Variants in UBTD1 observed in about 807,000 individuals in gnomAD.
The protein encoded by UBTD1 is ubiquitin domain containing 1.
Under a neutral mutation model 21.7 loss-of-function variants are expected in UBTD1, and 19 were observed. That is an observed-to-expected ratio of 0.87 (90% CI 0.61 to 1.28). The LOEUF is 1.28. UBTD1 is among the 50% of genes most tolerant of loss of function. The pLI, the probability that UBTD1 is intolerant of heterozygous loss-of-function variation, is 0.00. For synonymous variants in UBTD1, 116 were observed against 135.1 expected (o/e 0.86, Z 0.98); for missense variants, 282 against 315.1 (o/e 0.89, Z 0.80).
At chr10:97,558,546 G>A (rs927585565) in intron 1 of UBTD1, among the ~76,000 whole-genome samples, 7 of 152,106 alleles carry the variant, frequency 4.6e-5, no homozygotes, top group African/African-American at 1.7e-4. Flanking sequence ...TACAGTCTGG[G>A]TTAAAACTCC....
intron 1 of UBTD1, among the ~76,000 whole-genome samples, chr10:97,557,464 CT>C (rs1490932050): frequency 1.3e-5 from 2 of 152,024 alleles, no homozygotes; most frequent in Non-Finnish European, 2.9e-5. Context: ...TAAACAGGAT[CT>C]TTTTTATCTT....
At chr10:97,567,069 T>C (rs2040720274) in intron 1 of UBTD1, among the ~76,000 whole-genome samples, 1 of 151,910 alleles carries the variant, frequency 6.6e-6, no homozygotes, top group South Asian at 2.1e-4. Context: ...GATGTTAAAA[T>C]TGTTAATAAT....
chr10:97,557,975 C>A (rs550971596), intron 1 of UBTD1, among the ~76,000 whole-genome samples: 2 of 152,298 alleles, frequency 1.3e-5, no homozygotes, highest in African/African-American at 4.8e-5. Flanking sequence ...GAAGTCCTTA[C>A]TGTACAAGTC....
intron 2 of UBTD1, among the ~76,000 whole-genome samples, chr10:97,569,931 A>AT (rs2040737020): frequency 6.6e-6 from 1 of 151,880 alleles, no homozygotes; most frequent in South Asian, 2.1e-4. Context: ...AAAAAAAAAA[A>AT]GGACCATTTT....
intron 1 of UBTD1, among the ~76,000 whole-genome samples, chr10:97,504,373 A>G (rs1043865118): frequency 2.0e-5 from 3 of 152,192 alleles, no homozygotes; most frequent in African/African-American, 7.2e-5. Context: ...TCTACAAGAT[A>G]TGATATGATT....
At chr10:97,557,611 T>C (rs2040670960) in intron 1 of UBTD1, among the ~76,000 whole-genome samples, 1 of 152,224 alleles carries the variant, frequency 6.6e-6, no homozygotes, top group Non-Finnish European at 1.5e-5. Context: ...TATTCTATGC[T>C]GCTTACTATC....
intron 1 of UBTD1, among the ~76,000 whole-genome samples, chr10:97,527,741 CAT>C (rs2040496339): frequency 6.6e-6 from 1 of 152,032 alleles, no homozygotes; most frequent in African/African-American, 2.4e-5. Context: ...GGACACAGCA[CAT>C]GTTTCAGAGA....
intron 1 of UBTD1, among the ~76,000 whole-genome samples, chr10:97,515,704 G>C (rs1000978544): frequency 1.3e-5 from 2 of 152,134 alleles, no homozygotes; most frequent in Non-Finnish European, 2.9e-5. Flanking sequence ...AAATGTTCCT[G>C]CTGCAGCTCC....
At chr10:97,554,916 G>A (rs771993723) in intron 1 of UBTD1, among the ~76,000 whole-genome samples, 1 of 152,164 alleles carries the variant, frequency 6.6e-6, no homozygotes, top group Non-Finnish European at 1.5e-5. Context: ...AGCCTCTTTT[G>A]TAGACAGTGC....
At chr10:97,507,063 A>C (rs1162598494) in intron 1 of UBTD1, among the ~76,000 whole-genome samples, 1 of 152,182 alleles carries the variant, frequency 6.6e-6, no homozygotes, top group Non-Finnish European at 1.5e-5. Flanking sequence ...TCTGGATCAA[A>C]AGGTAATTCT....
rs1564738414 is a variant in UBTD1 at position 97,528,661 on chromosome 10, GGGCGGGGGGCTGACCCCCCCCA to G, written c.70+29389_70+29410del. 5.2e-3 allele frequency among the ~76,000 whole-genome samples: 208 copies of G among 39,952 alleles called. 63 individuals are homozygous for G. Among genetic ancestry groups the G allele is most frequent in the East Asian group, 0.04 (22 of 550 alleles). The allele number at this position is 39,952 out of a possible 152,430, so 26.2% of individuals were successfully genotyped here. ...TCCCTCCCGGACGGGGCGGCTGGCC[GGGCGGGGGGCTGACCCCCCCCA>G]CCTCCCTCCCGGACGGGGCGGCTGG... On this transcript the variant is annotated intron_variant, in intron 1 of 2. Coordinates refer to ENST00000370664, the MANE Select transcript of UBTD1 (RefSeq NM_024954.5).
intron 1 of UBTD1, among the ~76,000 whole-genome samples, chr10:97,507,761 C>CA (rs2040405125): frequency 1.8e-5 from 2 of 111,864 alleles, no homozygotes; most frequent in African/African-American, 7.3e-5. Flanking sequence ...AACGACAGAG[C>CA]AAGACTCCGT....
intron 1 of UBTD1, among the ~76,000 whole-genome samples, chr10:97,550,410 G>GAA (rs1306451617): frequency 6.6e-6 from 1 of 152,146 alleles, no homozygotes; most frequent in East Asian, 1.9e-4. Context: ...TCCAGTCCCT[G>GAA]AAGTCACAAG....
intron 1 of UBTD1, among the ~76,000 whole-genome samples, chr10:97,513,011 A>C (rs2040428891): frequency 6.6e-6 from 1 of 152,218 alleles, no homozygotes; most frequent in Non-Finnish European, 1.5e-5. Context: ...TGAGGTTGGC[A>C]GGCTTGCACA....
intron 1 of UBTD1, among the ~76,000 whole-genome samples, chr10:97,505,101 G>A (rs1409714105): frequency 1.3e-5 from 2 of 152,184 alleles, no homozygotes; most frequent in African/African-American, 4.8e-5. Flanking sequence ...GGATAGGGTG[G>A]CCTAATAGAC....
chr10:97,529,134 G>T (rs1348049917), intron 1 of UBTD1, among the ~76,000 whole-genome samples: 1 of 151,320 alleles, frequency 6.6e-6, no homozygotes, highest in Non-Finnish European at 1.5e-5. Context: ...CGGGGCAGCG[G>T]GGCAGAGGCG....
chr10:97,508,413 A>G (rs2040408131), intron 1 of UBTD1, among the ~76,000 whole-genome samples: 1 of 152,152 alleles, frequency 6.6e-6, no homozygotes, highest in Non-Finnish European at 1.5e-5. Context: ...TCCCTATTTT[A>G]CCTATGGGAA....
chr10:97,527,745 T>A (rs547368633), intron 1 of UBTD1, among the ~76,000 whole-genome samples: 284 of 152,100 alleles, frequency 1.9e-3, no homozygotes, highest in African/African-American at 6.5e-3. Context: ...ACAGCACATG[T>A]TTCAGAGAGC....
chr10:97,513,159 A>G (rs1430157709), intron 1 of UBTD1, among the ~76,000 whole-genome samples: 1 of 152,206 alleles, frequency 6.6e-6, no homozygotes, highest in Admixed American at 6.5e-5. Context: ...TATCCGATCC[A>G]GGAAATCTGA....
Sources: allele counts gnomAD v4.1 joint callset (sites outside exome capture counted in the v4.1 genomes callset), GRCh38; gene constraint gnomAD v4.1.1; transcripts MANE v1.5; gene names NCBI Gene and HGNC (gene_info 2026-07-23, HGNC 2026-07-21).